PPP2R5C: variants seen among roughly 807,000 people sequenced by gnomAD.
The protein encoded by PPP2R5C is serine/threonine-protein phosphatase 2A 56 kDa regulatory subunit gamma isoform.
Under a neutral mutation model 68.9 loss-of-function variants are expected in PPP2R5C, and 7 were observed. That is an observed-to-expected ratio of 0.10 (90% CI 0.06 to 0.19). The LOEUF is 0.19. PPP2R5C is among the 10% of genes least tolerant of loss of function. The pLI is 1.00. For missense variants in PPP2R5C, 348 were observed against 641.3 expected, an observed-to-expected ratio of 0.54 and a Z score of 4.94; for synonymous variants, 210 against 222.2, an observed-to-expected ratio of 0.95 and a Z score of 0.49.
At chr14:101,808,090 AGAGGAG>A (rs1337460190), upstream of PPP2R5C, among the ~76,000 whole-genome samples, 1 of 150,616 alleles carries the variant, frequency 6.6e-6, no homozygotes, top group African/African-American at 2.4e-5. Context: ...GGCATCACTC[AGAGGAG>A]GAGGAGGAGG....
intron 1 of PPP2R5C, among the ~76,000 whole-genome samples, chr14:101,853,446 T>G (rs1266937843): frequency 2.0e-5 from 3 of 152,176 alleles, no homozygotes; most frequent in African/African-American, 7.2e-5. Context: ...GGATAGAAAT[T>G]TTATTAAAAA....
At chr14:101,908,730 G>A (rs142767458) in intron 10 of PPP2R5C, among the ~76,000 whole-genome samples, 2 of 151,648 alleles carry the variant, frequency 1.3e-5, no homozygotes, top group East Asian at 3.9e-4. Flanking sequence ...CTGGAGTGTC[G>A]CCATGTTTCT....
At chr14:101,815,944 G>A (rs551513984) in intron 1 of PPP2R5C, among the ~76,000 whole-genome samples, 3 of 152,236 alleles carry the variant, frequency 2.0e-5, no homozygotes, top group Non-Finnish European at 4.4e-5. Flanking sequence ...TACTGGGATT[G>A]TAGGCATGAG....
chr14:101,809,898 G>A (rs3101803), exon 1 of PPP2R5C: 1 of 1,592,888 alleles, frequency 6.3e-7, no homozygotes, highest in South Asian at 1.1e-5. Context: ...ATGGAGGCTG[G>A]TTTCTTGCCT....
At chr14:101,783,543 G>T (rs564513667) in intron 2 of PPP2R5C, among the ~76,000 whole-genome samples, 1 of 152,010 alleles carries the variant, frequency 6.6e-6, no homozygotes, top group South Asian at 2.1e-4. Flanking sequence ...AATGGAGTGG[G>T]GCATGGTGGC....
chr14:101,850,560 G>C (rs1031677507), intron 1 of PPP2R5C, among the ~76,000 whole-genome samples: 8 of 152,162 alleles, frequency 5.3e-5, no homozygotes, highest in African/African-American at 1.7e-4. Context: ...GTTCTCCCCA[G>C]ATCTGTATGG....
chr14:101,893,213 G>A (rs540609947), intron 7 of PPP2R5C, 105 bp downstream of exon 9: 7 of 714,272 alleles, frequency 9.8e-6, no homozygotes, highest in Non-Finnish European at 2.4e-6. Flanking sequence ...TTCTTTATAG[G>A]CCTGTACTAA....
intron 2 of PPP2R5C, among the ~76,000 whole-genome samples, chr14:101,771,220 C>CGTGTG (rs1233709173): frequency 1.2e-5 from 1 of 84,718 alleles, no homozygotes; most frequent in East Asian, 3.7e-4. Context: ...TTTTCTTCAT[C>CGTGTG]TCGTGTGTGT....
chr14:101,914,097 A>G (rs2046529302), intron 12 of PPP2R5C: 3 of 448,256 alleles, frequency 6.7e-6, no homozygotes, highest in South Asian at 3.2e-5. Flanking sequence ...CTTTTTCTCA[A>G]CTTTTCCTGA....
At chr14:101,840,314 A>G (rs2041384341) in intron 1 of PPP2R5C, among the ~76,000 whole-genome samples, 1 of 152,012 alleles carries the variant, frequency 6.6e-6, no homozygotes, top group African/African-American at 2.4e-5. Context: ...AGAGTCAGAA[A>G]GAACCTCATT....
intron 1 of PPP2R5C, among the ~76,000 whole-genome samples, chr14:101,852,463 C>T (rs979636747): frequency 4.2e-4 from 53 of 125,900 alleles, no homozygotes; most frequent in African/African-American, 5.9e-4. Context: ...TTTTCATTTT[C>T]TTTTTCTTTT....
intron 3 of PPP2R5C, among the ~76,000 whole-genome samples, chr14:101,802,617 T>C (rs1383414355): frequency 2.6e-5 from 4 of 151,986 alleles, no homozygotes; most frequent in Non-Finnish European, 4.4e-5. Context: ...AAAATAAAAA[T>C]AGATAGATTG....
At chr14:101,836,213 G>A in intron 1 of PPP2R5C, 1 of 702,840 alleles carries the variant, frequency 1.4e-6, no homozygotes, top group Non-Finnish European at 2.6e-6. Context: ...GCTGAGGTTG[G>A]AAGTCCCTGA....
Position 101,915,057 on chromosome 14 carries a change from G to T in PPP2R5C, c.1326+2584G>T, listed in dbSNP as rs886605702. On this transcript the variant is annotated intron_variant, in intron 12 of 13. Coordinates refer to ENST00000334743, the Ensembl canonical transcript of PPP2R5C. This position sits in a 1 kb window ranked among gnomAD's most constrained non-coding sequence, Gnocchi z 4.2. ...CACCTCAGTGAAGGTTTTTGTTTTG[G>T]TTTGGTTTGGTTTGGTTTGATTTGG... Among the ~76,000 whole-genome samples, 5 of 152,070 alleles carry T rather than the reference G, an allele frequency of 3.3e-5. No individual in the cohort carries two copies. The highest frequency in any genetic ancestry group is 5.9e-5 in the Non-Finnish European group (4 of 68,002).
intron 1 of PPP2R5C, among the ~76,000 whole-genome samples, chr14:101,822,984 A>G (rs1383560562): frequency 6.6e-6 from 1 of 152,216 alleles, no homozygotes; most frequent in African/African-American, 2.4e-5. Flanking sequence ...ATAGCCTTGT[A>G]TAGTGTAACA....
intron 2 of PPP2R5C, among the ~76,000 whole-genome samples, chr14:101,764,224 A>G (rs1009527914): frequency 2.0e-5 from 3 of 152,156 alleles, no homozygotes; most frequent in African/African-American, 7.2e-5. Context: ...CCTTGTGACT[A>G]ATTGTTGAAC....
chr14:101,793,401 C>G (rs543532561), intron 3 of PPP2R5C, among the ~76,000 whole-genome samples: 3 of 152,164 alleles, frequency 2.0e-5, no homozygotes, highest in African/African-American at 7.2e-5. Context: ...TTTCCCTGAC[C>G]ACTTCACGGG....
At position 101,776,230 on chromosome 14, in the gene PPP2R5C, T is replaced by G. The variant is rs149003975; in HGVS notation, c.94-9788T>G. ...GAGTTTGAAAAATAATTTCCCATCA[T>G]TAAGCCAGACATCAAGAGGCCAAAG... On this transcript the variant is annotated intron_variant, in intron 2 of 14. Transcript: ENST00000328724. Among the ~76,000 whole-genome samples the G allele has an allele frequency of 2.0e-4, 30 of 152,220 alleles. No homozygotes were observed. In the East Asian group the frequency reaches 5.8e-3, roughly 29 times the overall value.
Position 101,879,415 on chromosome 14 carries a change from G to A in PPP2R5C, c.295-2746G>A, listed in dbSNP as rs3783362. On this transcript the variant is annotated intron_variant, in intron 2 of 13. Transcript: ENST00000334743. The surrounding 1 kb of genome is among the most constrained non-coding windows in gnomAD (Gnocchi z 4.2). The stretch of plus-strand genomic sequence containing the variant: ...AGCTTCCTGGGCGGCGTGGCCCTAC[G>A]GCTCCTGCTCTGGCCTCTGTATCCC... 5,851 of 152,716 alleles carry A rather than the reference G, an allele frequency of 0.038. 166 individuals are homozygous for A. Among genetic ancestry groups the A allele is most frequent in the East Asian group, 0.17 (862 of 5,194 alleles). 9.5% of individuals were successfully genotyped at this position (152,716 alleles called of 1,614,324 possible).
Sources: allele counts gnomAD v4.1 joint callset (sites outside exome capture counted in the v4.1 genomes callset), GRCh38; gene constraint gnomAD v4.1.1; non-coding constraint Gnocchi (gnomAD v3.1); transcripts MANE v1.5; gene names NCBI Gene and HGNC (gene_info 2026-07-23, HGNC 2026-07-21).